Variants in TFF1 observed in about 807,000 individuals in gnomAD.
TFF1 encodes trefoil factor 1.
Under a neutral mutation model 7.7 loss-of-function variants are expected in TFF1, and 8 were observed. The observed-to-expected ratio is 1.04, with a 90% confidence interval of 0.61 to 1.87. The LOEUF (loss-of-function observed/expected upper bound fraction) is 1.87. TFF1 is among the 40% of genes most tolerant of loss of function. The pLI, the probability that TFF1 is intolerant of heterozygous loss-of-function variation, is 0.00. For missense variants in TFF1, 120 were observed against 113.4 expected (o/e 1.06, Z -0.26); for synonymous variants, 47 against 44.8 (o/e 1.05, Z -0.19).
chr21:42,363,517 T>A (rs2052256959), intron 1 of TFF1, 110 bp from the exon 2 acceptor site: 1 of 1,353,248 alleles, frequency 7.4e-7, no homozygotes, highest in South Asian at 1.5e-5. Flanking sequence ...AACTGTCCAG[T>A]GAGGCGGATA....
intron 1 of TFF1, among the ~76,000 whole-genome samples, chr21:42,364,406 G>A (rs1428811474): frequency 3.3e-5 from 5 of 152,306 alleles, no homozygotes; most frequent in East Asian, 1.9e-4. Context: ...AGGAGGAGCC[G>A]ACAGAGGGTA....
chr21:42,365,333 AC>A (rs963940575), intron 1 of TFF1, among the ~76,000 whole-genome samples: 1 of 151,958 alleles, frequency 6.6e-6, no homozygotes, highest in Non-Finnish European at 1.5e-5. Flanking sequence ...ACGGGGACCC[AC>A]CCAGTTCGTT....
intron 1 of TFF1, among the ~76,000 whole-genome samples, chr21:42,364,907 A>G (rs1349493719): frequency 6.6e-6 from 1 of 152,058 alleles, no homozygotes; most frequent in African/African-American, 2.4e-5. Flanking sequence ...GAAGGTGATC[A>G]TCGCCCACCC....
intron 1 of TFF1, among the ~76,000 whole-genome samples, 155 bp from the exon 2 acceptor site, chr21:42,363,562 C>T (rs894885713): frequency 1.3e-5 from 2 of 152,242 alleles, no homozygotes; most frequent in Admixed American, 6.5e-5. Flanking sequence ...AGACGTGGTC[C>T]TCACATCCTG....
At position 42,365,398 on chromosome 21, in the gene TFF1, C is replaced by T. The variant is rs1044359413; in HGVS notation, c.85+1013G>A. Among the ~76,000 whole-genome samples the T allele has an allele frequency of 3.9e-5, 6 of 152,178 alleles. No homozygotes were observed. In the East Asian group the frequency reaches 9.6e-4, roughly 24 times the overall value. ...GGTTCCAAAGCTCCCCCGCTCCCTG[C>T]CATGGGCTTGGGGGTCTTCCCACTG... On this transcript the variant is annotated intron_variant, in intron 1 of 2. Transcript: ENST00000291527.
intron 2 of TFF1, 135 bp from the exon 3 acceptor site, chr21:42,362,630 G>A (rs72561493): frequency 6.3e-4 from 686 of 1,091,172 alleles, no homozygotes; most frequent in Admixed American, 8.7e-4. Context: ...ACTGTCAGCC[G>A]GGCACGGTGG....
chr21:42,365,862 G>A (rs886869892), intron 1 of TFF1, among the ~76,000 whole-genome samples: 7 of 152,148 alleles, frequency 4.6e-5, no homozygotes, highest in African/African-American at 1.4e-4. Context: ...TGCCAGCCAC[G>A]CACTCATGAG....
At chr21:42,365,727 T>G (rs545319573) in intron 1 of TFF1, among the ~76,000 whole-genome samples, 40 of 152,322 alleles carry the variant, frequency 2.6e-4, no homozygotes, top group African/African-American at 9.6e-4. Flanking sequence ...AGACCGTTGA[T>G]CCATTCTGCA....
At chr21:42,362,900 CAAAAA>C (rs34253894) in intron 2 of TFF1, among the ~76,000 whole-genome samples, 1 of 117,614 alleles carries the variant, frequency 8.5e-6, no homozygotes, top group Non-Finnish European at 1.8e-5. Context: ...GACTCCATTT[CAAAAA>C]AAAAAAAAAA....
At chr21:42,363,921 A>C (rs112632232) in intron 1 of TFF1, among the ~76,000 whole-genome samples, 9,924 of 152,054 alleles carry the variant, frequency 0.065, 764 homozygotes, top group African/African-American at 0.19. Flanking sequence ...GCCTGACCAA[A>C]ATGGTGAAGC....
rs1029089630 is a variant in TFF1, at chr21:42,365,951, C to T, written c.85+460G>A. On this transcript the variant is annotated intron_variant, in intron 1 of 2. Coordinates refer to ENST00000291527, the MANE Select transcript of TFF1 (RefSeq NM_003225.3). The stretch of plus-strand genomic sequence containing the variant: ...AGGAGAGGGTCTCCCAGTTGGCCAC[C>T]ACTGGGACGGGCATTCGGGCCTGTG... 3.3e-5 allele frequency among the ~76,000 whole-genome samples: 5 copies of T among 152,230 alleles called. No homozygotes were observed. In the East Asian group the frequency reaches 9.7e-4, roughly 29 times the overall value.
chr21:42,363,113 G>C, intron 2 of TFF1, 142 bp downstream of exon 2: 1 of 1,059,838 alleles, frequency 9.4e-7, no homozygotes, highest in Non-Finnish European at 1.4e-6. Context: ...GCCTGACTCA[G>C]GCTACCCCAT....
chr21:42,362,537 G>A lies in TFF1; in HGVS notation c.239-42C>T, dbSNP rs756225948. The A allele has an allele frequency of 2.5e-5, 38 of 1,537,760 alleles. No homozygotes were observed. The African/African-American group carries it at 2.9e-4, about 12-fold the overall frequency. Reference sequence around the variant, plus strand: ...GAGGGAGAAAGAGATGCTTTAGTGAGGATAAACATTTTCTTTCACATTTAA... The same window carrying A: ...GAGGGAGAAAGAGATGCTTTAGTGAAGATAAACATTTTCTTTCACATTTAA... On this transcript the variant is annotated intron_variant, in intron 2 of 2. Coordinates refer to ENST00000291527, the MANE Select transcript of TFF1 (RefSeq NM_003225.3).
chr21:42,363,253 A>G lies in TFF1; in HGVS notation c.238+2T>C. 6.2e-7 allele frequency: 1 copy of G among 1,614,198 alleles called. No individual in the cohort carries two copies. Among genetic ancestry groups the G allele is most frequent in the Non-Finnish European group, 8.5e-7 (1 of 1,180,032 alleles). On this transcript the variant is annotated splice_donor_variant, in intron 2 of 2. Transcript: ENST00000291527. LOFTEE classifies it high-confidence loss of function. ...AGAACCCATCGTATAAAAAGGCCAT[A>G]CCTTCTGGAGGGACGTCGATGGTAT...
chr21:42,365,182 C>T (rs113480847), intron 1 of TFF1, among the ~76,000 whole-genome samples: 5 of 152,132 alleles, frequency 3.3e-5, no homozygotes, highest in African/African-American at 9.6e-5. Context: ...CCCGCAAAGA[C>T]GCTCTGAGCC....
intron 1 of TFF1, among the ~76,000 whole-genome samples, chr21:42,365,556 C>T (rs1303835985): frequency 2.0e-5 from 3 of 152,118 alleles, no homozygotes; most frequent in Non-Finnish European, 4.4e-5. Context: ...CCTCTTCAGG[C>T]CTCTCTGGAA....
Position 42,366,423 on chromosome 21 carries a change from C to G in TFF1, c.73G>C (p.Glu25Gln). ...VSMLALGTLA[E>Q]AQTETCTVAP... is the part of the protein sequence containing the mutation. The stretch of plus-strand genomic sequence containing the variant: ...AAGCACGCCTTACCTGTCTGGGCCT[C>G]GGCCAGGGTGCCGAGGGCCAGCATG... The change falls in exon 1 of 3, where the codon GAG (glutamate) becomes CAG (glutamine). Residue 25 changes from glutamate (E) to glutamine (Q), a missense_variant. By Grantham distance (29) the Glu-to-Gln change is conservative (BLOSUM62 2). Coordinates refer to ENST00000291527, the MANE Select transcript of TFF1 (RefSeq NM_003225.3). 1 of 1,611,356 alleles carries G rather than the reference C, an allele frequency of 6.2e-7. No individual in the cohort carries two copies. The highest frequency in any genetic ancestry group is 8.5e-7 in the Non-Finnish European group (1 of 1,178,150).
chr21:42,362,606 T>C, intron 2 of TFF1, 111 bp from the exon 3 acceptor site: 1 of 1,306,352 alleles, frequency 7.7e-7, no homozygotes, highest in Non-Finnish European at 1.0e-6. Context: ...AGGCACATTC[T>C]TTAGAAAACA....
At chr21:42,365,649 G>C (rs1451628274) in intron 1 of TFF1, among the ~76,000 whole-genome samples, 1 of 152,186 alleles carries the variant, frequency 6.6e-6, no homozygotes, top group Non-Finnish European at 1.5e-5. Flanking sequence ...AAGTTATTCA[G>C]CTCCCCACAG....
Sources: gnomAD v4.1 joint callset for allele counts (sites outside exome capture counted in the v4.1 genomes callset) on GRCh38, gnomAD v4.1.1 for gene constraint, MANE v1.5 for transcripts, NCBI Gene and HGNC (gene_info 2026-07-23, HGNC 2026-07-21) for gene names.